The following CCDC150 variants were observed in gnomAD, a reference collection of about 807,000 sequenced individuals.
CCDC150 encodes coiled-coil domain-containing protein 150.
Under a neutral mutation model 156.5 loss-of-function variants are expected in CCDC150, and 151 were observed. The ratio of observed to expected loss-of-function variants is 0.97; its 90% confidence interval spans 0.85 to 1.10. CCDC150 has a LOEUF of 1.10. Among genes scored for constraint, CCDC150 ranks in the 50% least tolerant of loss-of-function variants. The pLI, the probability that CCDC150 is intolerant of heterozygous loss-of-function variation, is 0.00. For synonymous variants in CCDC150, 452 were observed against 429.4 expected (o/e 1.05, Z -0.65); for missense variants, 1,312 against 1,268.1 (o/e 1.03, Z -0.53).
intron 18 of CCDC150, among the ~76,000 whole-genome samples, chr2:196,718,881 A>AT (rs1192020430): frequency 5.9e-5 from 9 of 151,966 alleles, no homozygotes; most frequent in Non-Finnish European, 1.3e-4. Context: ...GAAAGTTCTA[A>AT]TTTTTTCTTT....
At chr2:196,660,703 AG>A (rs1237528987) in intron 5 of CCDC150, among the ~76,000 whole-genome samples, 2 of 152,186 alleles carry the variant, frequency 1.3e-5, no homozygotes, top group Non-Finnish European at 2.9e-5. Context: ...TTTGGATACC[AG>A]TCCTTTATCA....
At chr2:196,697,305 TTTG>T (rs1553561772) in intron 14 of CCDC150, among the ~76,000 whole-genome samples, 4 of 152,152 alleles carry the variant, frequency 2.6e-5, no homozygotes, top group African/African-American at 9.7e-5. Flanking sequence ...AGGGGTTTTT[TTTG>T]TTGTTGTTGT....
chr2:196,712,300 A>T (rs1339255425), intron 16 of CCDC150, 48 bp downstream of exon 16: 1 of 1,061,586 alleles, frequency 9.4e-7, no homozygotes, highest in East Asian at 2.6e-5. Flanking sequence ...TTTCGTTTTT[A>T]AGAAATTGTT....
At chr2:196,684,926 T>C (rs183332105) in intron 13 of CCDC150, among the ~76,000 whole-genome samples, 2 of 152,226 alleles carry the variant, frequency 1.3e-5, no homozygotes, top group Admixed American at 1.3e-4. Context: ...TCAACCCCAT[T>C]TGGGTATTTG....
rs764279963 is a variant in CCDC150 at position 196,665,599 on chromosome 2, TAG to T, written c.679_680del (p.Arg227GlyfsTer40). The T allele has an allele frequency of 7.5e-6, 12 of 1,604,824 alleles. No homozygotes were observed. Among genetic ancestry groups the T allele is most frequent in the Non-Finnish European group, 2.6e-6 (3 of 1,175,870 alleles). On this transcript the variant is annotated frameshift_variant, in exon 6 of 28. Coordinates refer to ENST00000389175, the MANE Select transcript of CCDC150 (RefSeq NM_001080539.2). LOFTEE classifies it high-confidence loss of function. ...RRQLAQEKYL[R>X]ESLEKSASAM... ...GACAACTGGCTCAGGAGAAGTACCT[TAG>T]GGAATCTTTAGAGAAATCAGCATCA...
chr2:196,703,556 G>A (rs1325013367), intron 15 of CCDC150, among the ~76,000 whole-genome samples: 1 of 151,946 alleles, frequency 6.6e-6, no homozygotes, highest in African/African-American at 2.4e-5. Flanking sequence ...TTACAGGCTG[G>A]GTATATACAT....
At chr2:196,708,489 G>A (rs1212872689) in intron 15 of CCDC150, among the ~76,000 whole-genome samples, 4 of 152,042 alleles carry the variant, frequency 2.6e-5, no homozygotes, top group African/African-American at 9.7e-5. Context: ...TTTAATTGGG[G>A]CATTTAGTCC....
At chr2:196,659,805 C>T (rs1276908241) in intron 5 of CCDC150, among the ~76,000 whole-genome samples, 2 of 152,112 alleles carry the variant, frequency 1.3e-5, no homozygotes, top group Non-Finnish European at 2.9e-5. Context: ...ACTTTTGTAA[C>T]ATTTGATGAG....
At chr2:196,646,168 A>G (rs772078951) in intron 1 of CCDC150, among the ~76,000 whole-genome samples, 173 bp from the exon 2 acceptor site, 3 of 152,216 alleles carry the variant, frequency 2.0e-5, no homozygotes, top group Admixed American at 6.5e-5. Context: ...AGAGATGGTG[A>G]AGAACAAGCT....
At chr2:196,676,326 T>C in intron 11 of CCDC150, 59 bp downstream of exon 11, 1 of 1,584,718 alleles carries the variant, frequency 6.3e-7, no homozygotes, top group Non-Finnish European at 8.6e-7. Context: ...GTGTTTCTTA[T>C]CATGTGTCCG....
intron 10 of CCDC150, among the ~76,000 whole-genome samples, chr2:196,675,277 C>T (rs1447197944): frequency 6.6e-6 from 1 of 152,044 alleles, no homozygotes; most frequent in Non-Finnish European, 1.5e-5. Flanking sequence ...AAGTATAATG[C>T]TATATCTAGA....
At chr2:196,732,237 G>A (rs1030430284) in intron 27 of CCDC150, 85 bp downstream of exon 27, 58 of 1,441,398 alleles carry the variant, frequency 4.0e-5, no homozygotes, top group African/African-American at 1.6e-4. Flanking sequence ...TCATCATCTC[G>A]ATACTCTCTC....
At chr2:196,668,431 ACTTT>A (rs1286931127) in intron 7 of CCDC150, among the ~76,000 whole-genome samples, 3 of 152,032 alleles carry the variant, frequency 2.0e-5, no homozygotes, top group African/African-American at 7.2e-5. Context: ...TTTTTATGTT[ACTTT>A]CTTGTTGGAT....
chr2:196,686,315 C>A, intron 13 of CCDC150: 1 of 165,076 alleles, frequency 6.1e-6, no homozygotes, highest in Non-Finnish European at 1.3e-5. Context: ...AACACAGTAG[C>A]CTTTCCACAG....
At position 196,657,139 on chromosome 2, in the gene CCDC150, T is replaced by G. The variant is rs1693256279; in HGVS notation, c.576+3T>G. On this transcript the variant is annotated splice_donor_region_variant and intron_variant, in intron 4 of 27. Coordinates refer to ENST00000389175, the MANE Select transcript of CCDC150 (RefSeq NM_001080539.2). ...TGAAGATTGCCTCGCAGACAAAGGT[T>G]TGAGTCTAAGAGTTCTGAAGTATAA... 6.2e-7 allele frequency: 1 copy of G among 1,613,454 alleles called. No homozygotes were observed. The highest frequency in any genetic ancestry group is 1.7e-5 in the Admixed American group (1 of 59,990).
intron 1 of CCDC150, among the ~76,000 whole-genome samples, chr2:196,641,546 T>C (rs1692232042): frequency 6.6e-6 from 1 of 152,212 alleles, no homozygotes; most frequent in Admixed American, 6.5e-5. Flanking sequence ...TGTTCTTTCC[T>C]ATTTCATTTT....
rs139643567 is a variant in CCDC150 at position 196,666,494 on chromosome 2, C to T, written c.763-225C>T. Among the ~76,000 whole-genome samples, 7 of 152,228 alleles carry T rather than the reference C, an allele frequency of 4.6e-5. No individual in the cohort carries two copies. The East Asian group carries it at 1.2e-3, about 25-fold the overall frequency. Reference sequence around the variant, plus strand: ...TAGCCATATTCAAGTGCTCAGTAGCCACTTGTGGCTAGTGGATTATTGCAT... The same window carrying T: ...TAGCCATATTCAAGTGCTCAGTAGCTACTTGTGGCTAGTGGATTATTGCAT... On this transcript the variant is annotated intron_variant, in intron 6 of 27. Coordinates refer to ENST00000389175, the MANE Select transcript of CCDC150 (RefSeq NM_001080539.2).
In CCDC150 at chr2:196,677,161, C is replaced by T. The variant is rs1046057844; in HGVS notation, c.1441-132C>T. 1.1e-5 allele frequency: 8 copies of T among 731,652 alleles called. No individual in the cohort carries two copies. In the African/African-American group the frequency reaches 1.4e-4, roughly 13 times the overall value. 45.3% of individuals were successfully genotyped at this position (731,652 alleles called of 1,614,324 possible). On this transcript the variant is annotated intron_variant, in intron 12 of 27. Transcript: ENST00000389175. ...TGCCTCAGAGACTCCCTGATTGGCC[C>T]CTTTTCTGAGAGGATGTGCTATCTC...
chr2:196,640,883 T>C (rs369423098), intron 1 of CCDC150, among the ~76,000 whole-genome samples: 1 of 152,326 alleles, frequency 6.6e-6, no homozygotes, highest in East Asian at 1.9e-4. Context: ...TGGATAGCAT[T>C]CCTCAGCTAT....
Sources: gnomAD v4.1 joint callset for allele counts (sites outside exome capture counted in the v4.1 genomes callset) on GRCh38, gnomAD v4.1.1 for gene constraint, MANE v1.5 for transcripts, NCBI Gene and HGNC (gene_info 2026-07-23, HGNC 2026-07-21) for gene names.